The following TBL3 variants were observed in gnomAD, a reference collection of about 807,000 sequenced individuals.
TBL3 encodes transducin beta like 3, also known as transducin beta-like protein 3.
In TBL3, 71 loss-of-function variants were observed where a neutral mutation model predicts 102.7. That is an observed-to-expected ratio of 0.69 (90% confidence interval 0.57 to 0.84). The LOEUF (loss-of-function observed/expected upper bound fraction) is 0.84. TBL3 is among the 40% of genes least tolerant of loss of function. TBL3 has a pLI of 0.00. For synonymous variants in TBL3, 578 were observed against 477.7 expected (o/e 1.21, Z -2.74); for missense variants, 1,188 against 1,098.5 (o/e 1.08, Z -1.15).
rs749378489 is a variant in TBL3, at chr16:1,979,531, A to C, written c.*846A>C. On this transcript the variant is annotated 3_prime_UTR_variant, in exon 22 of 22. Transcript: ENST00000568546. ...CTGCTCTCGTAGGCGCGGGAAGCACAGAACTGGGGACCTGGTGGGAGTGGG... is the reference window on the plus strand; with the variant it reads ...CTGCTCTCGTAGGCGCGGGAAGCACCGAACTGGGGACCTGGTGGGAGTGGG... 6.2e-7 allele frequency: 1 copy of C among 1,610,080 alleles called. No individual in the cohort carries two copies. Among genetic ancestry groups the C allele is most frequent in the South Asian group, 1.1e-5 (1 of 90,774 alleles).
rs1434807190 is a variant in TBL3 at position 1,980,114 on chromosome 16, T to C, written c.*1429T>C. ...CAGCGCAGGCTCTGAGCCTCCAGAC[T>C]GTGGATGGAGAGGCGGCCCGCAGCG... On this transcript the variant is annotated 3_prime_UTR_variant, in exon 22 of 22. Transcript: ENST00000568546. 6.2e-7 allele frequency: 1 copy of C among 1,608,356 alleles called. No homozygotes were observed.
chr16:1,974,029 C>T lies in TBL3; in HGVS notation c.42-27C>T, dbSNP rs189813889. 15 of 1,528,082 alleles carry T rather than the reference C, an allele frequency of 9.8e-6. 1 individual carries two copies. The highest frequency in any genetic ancestry group is 6.9e-5 in the East Asian group (3 of 43,272). 94.7% of individuals were successfully genotyped at this position (1,528,082 alleles called of 1,614,324 possible). ...CTGGGGACTGAGGGGGTGGGTGGTG[C>T]TCATTCGCCTCCCGCTCTCCTTCCA... is the stretch of plus-strand genomic sequence containing the variant. On this transcript the variant is annotated intron_variant, in intron 1 of 21. Transcript: ENST00000568546.
rs2083465617 is a variant in TBL3 at position 1,979,991 on chromosome 16, CCCTA to C, written c.*1310_*1313del. ...AGCAAATCCCTGGGTTCTTGGGGGGCCCTACCTGAGGGGTGCCGCAGCAGCACGT... is the reference window on the plus strand; with the variant it reads ...AGCAAATCCCTGGGTTCTTGGGGGGCCCTGAGGGGTGCCGCAGCAGCACGT... On this transcript the variant is annotated 3_prime_UTR_variant, in exon 22 of 22. Transcript: ENST00000568546. 1 of 1,598,880 alleles carries C rather than the reference CCCTA, an allele frequency of 6.3e-7. No individual in the cohort carries two copies.
At chr16:1,973,223 C>T (rs768055606) in intron 1 of TBL3, among the ~76,000 whole-genome samples, 4 of 152,076 alleles carry the variant, frequency 2.6e-5, no homozygotes, top group African/African-American at 9.7e-5. Context: ...GGGCGGATCA[C>T]GAGGTCAGGA....
At position 1,974,784 on chromosome 16, in the gene TBL3, G is replaced by A. The variant is rs371056405; in HGVS notation, c.401G>A (p.Arg134His). 20 of 1,612,958 alleles carry A rather than the reference G, an allele frequency of 1.2e-5. No homozygotes were observed. The highest frequency in any genetic ancestry group is 2.2e-5 in the South Asian group (2 of 91,080). The change falls in exon 6 of 22, where the codon CGC (arginine) becomes CAC (histidine). Residue 134 changes from arginine to histidine, a missense_variant. Coordinates refer to ENST00000568546, the MANE Select transcript of TBL3 (RefSeq NM_006453.3). ...GCAGGTGGCTGTGATGGGGCCGTGC[G>A]CGTCTGGGACATCGTGCGGCACTAC... Reference protein sequence around the residue: ...LATGGCDGAVRVWDIVRHYGT... With the variant: ...LATGGCDGAVHVWDIVRHYGT...
chr16:1,976,207 C>A lies in TBL3; in HGVS notation c.1189-4C>A. On this transcript the variant is annotated splice_region_variant and splice_polypyrimidine_tract_variant and intron_variant, in intron 12 of 21. Coordinates refer to ENST00000568546, the MANE Select transcript of TBL3 (RefSeq NM_006453.3). ...AGCCTCTCTCCTCAACTCCCTGTCCCCAGGATCAGAGCGTCCGTATCTGGA... is the reference window on the plus strand; with the variant it reads ...AGCCTCTCTCCTCAACTCCCTGTCCACAGGATCAGAGCGTCCGTATCTGGA... 6.2e-7 allele frequency: 1 copy of A among 1,614,190 alleles called. No individual in the cohort carries two copies. Among genetic ancestry groups the A allele is most frequent in the Non-Finnish European group, 8.5e-7 (1 of 1,180,040 alleles).
intron 18 of TBL3, 67 bp from the exon 19 acceptor site, chr16:1,977,891 G>A (rs1597051173): frequency 1.3e-6 from 2 of 1,595,800 alleles, no homozygotes; most frequent in Non-Finnish European, 1.7e-6. Flanking sequence ...CCTGCCTGCT[G>A]ACTCCGATGG....
rs1279010031 is a variant in TBL3 at position 1,974,815 on chromosome 16, A to G, written c.432A>G (p.Thr144=). 1 of 1,613,376 alleles carries G rather than the reference A, an allele frequency of 6.2e-7. No homozygotes were observed. Among genetic ancestry groups the G allele is most frequent in the South Asian group, 1.1e-5 (1 of 91,088 alleles). Residue 144 remains threonine, a synonymous_variant, in exon 6 of 22, where the codon ACA becomes ACG. Transcript: ENST00000568546. ...GGGACATCGTGCGGCACTACGGGAC[A>G]CACCACTTCCGAGGCTCGCCCGGTG... The part of the protein sequence containing the change: ...RVWDIVRHYG[T]HHFRGSPGVV...
At chr16:1,973,553 G>A (rs546035316) in intron 1 of TBL3, among the ~76,000 whole-genome samples, 1 of 152,332 alleles carries the variant, frequency 6.6e-6, no homozygotes. Context: ...GAAGGAAGGA[G>A]AAGGGGCACG....
chr16:1,972,398 G>A lies in TBL3; in HGVS notation c.41+193G>A, dbSNP rs532536865. Among the ~76,000 whole-genome samples the A allele has an allele frequency of 3.9e-5, 6 of 152,340 alleles. No individual in the cohort carries two copies. In the South Asian group the frequency reaches 8.3e-4, roughly 21 times the overall value. The stretch of plus-strand genomic sequence containing the variant: ...GCCCCGGCTGCTCTCGGGGAGGACG[G>A]CGATCGGAGCCCGGCCGCCGGGAGC... On this transcript the variant is annotated intron_variant, in intron 1 of 21. Coordinates refer to ENST00000568546, the MANE Select transcript of TBL3 (RefSeq NM_006453.3).
chr16:1,978,210 C>G lies in TBL3; in HGVS notation c.2124C>G (p.Arg708=). 6.2e-7 allele frequency: 1 copy of G among 1,612,830 alleles called. No homozygotes were observed. The highest frequency in any genetic ancestry group is 8.5e-7 in the Non-Finnish European group (1 of 1,179,940). The part of the protein sequence containing the change: ...KLEATMLRLR[R]DQKEALLRFC... ...AAGCCACCATGCTCCGACTGCGGCG[C>G]GACCAGAAAGGTTGGCGGCCAGTCA... The change falls in exon 20 of 22, where the codon CGC becomes CGG. Residue 708 remains arginine (R), a synonymous_variant. Coordinates refer to ENST00000568546, the MANE Select transcript of TBL3 (RefSeq NM_006453.3).
Position 1,979,338 on chromosome 16 carries a change from C to A in TBL3, c.*653C>A, listed in dbSNP as rs776291285. Reference sequence around the variant, plus strand: ...CAGCACCGCGGGGAGTAGGCCCGCCCGGTCGCCGTACCTGCGAGGGGCGGG... The same window carrying A: ...CAGCACCGCGGGGAGTAGGCCCGCCAGGTCGCCGTACCTGCGAGGGGCGGG... On this transcript the variant is annotated 3_prime_UTR_variant, in exon 22 of 22. Transcript: ENST00000568546. 70 of 1,575,272 alleles carry A rather than the reference C, an allele frequency of 4.4e-5. No homozygotes were observed. The African/African-American group carries it at 8.8e-4, about 20-fold the overall frequency.
At position 1,978,796 on chromosome 16, in the gene TBL3, A is replaced by G. The variant is rs1470247724; in HGVS notation, c.*111A>G. ...GCAGTCCAGCCCCCCACCCTGGCCA[A>G]CACCCTACCTAGCCAGCCAGAAGGG... On this transcript the variant is annotated 3_prime_UTR_variant, in exon 22 of 22. Transcript: ENST00000568546. 1 of 1,387,802 alleles carries G rather than the reference A, an allele frequency of 7.2e-7. No individual in the cohort carries two copies. The highest frequency in any genetic ancestry group is 9.8e-7 in the Non-Finnish European group (1 of 1,020,362). 86.0% of individuals were successfully genotyped at this position (1,387,802 alleles called of 1,614,324 possible).
rs765744213 is a variant in TBL3 at position 1,978,146 on chromosome 16, C to T, written c.2063-3C>T. On this transcript the variant is annotated splice_region_variant and splice_polypyrimidine_tract_variant and intron_variant, in intron 19 of 21. Coordinates refer to ENST00000568546, the MANE Select transcript of TBL3 (RefSeq NM_006453.3). Reference sequence around the variant, plus strand: ...CCCAGCTCAGCCTTCCCTTCTCCCACAGCCATCCGGAGGGACCCTGAGGCC... The same window carrying T: ...CCCAGCTCAGCCTTCCCTTCTCCCATAGCCATCCGGAGGGACCCTGAGGCC... The T allele has an allele frequency of 6.2e-6, 10 of 1,612,522 alleles. No homozygotes were observed. In the Admixed American group the frequency reaches 1.2e-4, roughly 19 times the overall value.
chr16:1,978,135 C>G lies in TBL3; in HGVS notation c.2063-14C>G. 6.2e-7 allele frequency: 1 copy of G among 1,612,440 alleles called. No individual in the cohort carries two copies. Among genetic ancestry groups the G allele is most frequent in the Non-Finnish European group, 8.5e-7 (1 of 1,179,670 alleles). ...GCTCTGCTTTCCCCAGCTCAGCCTTCCCTTCTCCCACAGCCATCCGGAGGG... is the reference window on the plus strand; with the variant it reads ...GCTCTGCTTTCCCCAGCTCAGCCTTGCCTTCTCCCACAGCCATCCGGAGGG... On this transcript the variant is annotated splice_polypyrimidine_tract_variant and intron_variant, in intron 19 of 21. Transcript: ENST00000568546.
Position 1,982,271 on chromosome 16 carries a change from C to T in TBL3, c.*3586C>T, listed in dbSNP as rs2083520279. 6.6e-6 allele frequency: 1 copy of T among 152,218 alleles called. No homozygotes were observed. Among genetic ancestry groups the T allele is most frequent in the African/African-American group, 2.4e-5 (1 of 41,412 alleles). 9.4% of individuals were successfully genotyped at this position (152,218 alleles called of 1,614,324 possible). ...ACTCTCTCTCATGCCCTCAAGCTGTCCCTGGTCTTGGCATGGGCAATGAAC... is the reference window on the plus strand; with the variant it reads ...ACTCTCTCTCATGCCCTCAAGCTGTTCCTGGTCTTGGCATGGGCAATGAAC... On this transcript the variant is annotated 3_prime_UTR_variant, in exon 22 of 22. Transcript: ENST00000568546.
At position 1,979,194 on chromosome 16, in the gene TBL3, G is replaced by A; in HGVS notation, c.*509G>A. ...GCCCGGCGAAGGTCGGGTGGGCACG[G>A]TGGGGGGAGGGGCGGTGGCCTGGGA... On this transcript the variant is annotated 3_prime_UTR_variant, in exon 22 of 22. Transcript: ENST00000568546. 2 of 1,462,658 alleles carry A rather than the reference G, an allele frequency of 1.4e-6. No individual in the cohort carries two copies. Among genetic ancestry groups the A allele is most frequent in the Non-Finnish European group, 9.0e-7 (1 of 1,115,322 alleles). 90.6% of individuals were successfully genotyped at this position (1,462,658 alleles called of 1,614,324 possible).
At position 1,974,748 on chromosome 16, in the gene TBL3, C is replaced by G. The variant is rs1041647236; in HGVS notation, c.380-15C>G. The G allele has an allele frequency of 1.9e-6, 3 of 1,612,146 alleles. No individual in the cohort carries two copies. On this transcript the variant is annotated splice_polypyrimidine_tract_variant and intron_variant, in intron 5 of 21. Transcript: ENST00000568546. The stretch of plus-strand genomic sequence containing the variant: ...GGCTTTGGGCATTCCACCCCCTCAC[C>G]TTGCTTCCCCGCAGGTGGCTGTGAT...
At chr16:1,978,290 G>A (rs750811455) in intron 20 of TBL3, 23 bp from the exon 21 acceptor site, 74 of 1,610,576 alleles carry the variant, frequency 4.6e-5, no homozygotes, top group East Asian at 6.7e-5. Context: ...TGGGCAAGAC[G>A]ATGAGGGTCC....
Sources: gnomAD v4.1 joint callset for allele counts (sites outside exome capture counted in the v4.1 genomes callset) on GRCh38, gnomAD v4.1.1 for gene constraint, MANE v1.5 for transcripts, NCBI Gene and HGNC (gene_info 2026-07-23, HGNC 2026-07-21) for gene names.